The following NCAPD2 variants were observed in gnomAD, a reference collection of about 807,000 sequenced individuals.
NCAPD2 encodes condensin complex subunit 1.
NCAPD2 carries 100 observed loss-of-function variants against 164.5 expected under a neutral mutation model. The ratio of observed to expected loss-of-function variants is 0.61; its 90% confidence interval spans 0.52 to 0.72. NCAPD2 has a LOEUF of 0.72. Ranked by LOEUF, NCAPD2 falls within the 30% of genes least tolerant of loss-of-function variation. The pLI is 0.00. For missense variants in NCAPD2, 1,560 were observed against 1,749.2 expected, an observed-to-expected ratio of 0.89 and a Z score of 1.93; for synonymous variants, 585 against 642.6, an observed-to-expected ratio of 0.91 and a Z score of 1.36.
chr12:6,519,126 G>A (rs1043929397), intron 13 of NCAPD2, among the ~76,000 whole-genome samples: 3 of 151,928 alleles, frequency 2.0e-5, no homozygotes, highest in African/African-American at 7.3e-5. Context: ...TCCTGACCTC[G>A]TGATCCGCCT....
chr12:6,511,752 C>A (rs541807994), intron 6 of NCAPD2, among the ~76,000 whole-genome samples: 15 of 151,772 alleles, frequency 9.9e-5, no homozygotes, highest in Admixed American at 9.8e-4. Flanking sequence ...GAGGCCGAGG[C>A]GAGTGGATCA....
At chr12:6,497,255 C>T (rs980347187) in intron 2 of NCAPD2, among the ~76,000 whole-genome samples, 2 of 151,866 alleles carry the variant, frequency 1.3e-5, no homozygotes, top group African/African-American at 4.8e-5. Flanking sequence ...TGACAAACTA[C>T]TCTTCACTTA....
chr12:6,528,812 A>C lies in NCAPD2; in HGVS notation c.3433A>C (p.Ile1145Leu). ...AVLLIDPEPQIAALAKNFFNE... is the reference protein window; with the variant it reads ...AVLLIDPEPQLAALAKNFFNE... ...GCTGCTCATCGACCCCGAGCCTCAGATTGCTGCCCTGGCCAAGAACTTCTT... is the reference window on the plus strand; with the variant it reads ...GCTGCTCATCGACCCCGAGCCTCAGCTTGCTGCCCTGGCCAAGAACTTCTT... The change falls in exon 26 of 32, where the codon ATT becomes CTT. Residue 1145 changes from isoleucine (I) to leucine (L), a missense_variant. Physicochemically the swap from Ile to Leu is conservative, Grantham distance 5 (BLOSUM62 2). Coordinates refer to ENST00000315579, the MANE Select transcript of NCAPD2 (RefSeq NM_014865.4). The surrounding 1 kb of genome is among the most constrained non-coding windows in gnomAD (Gnocchi z 5.1). 1 of 1,613,990 alleles carries C rather than the reference A, an allele frequency of 6.2e-7. No homozygotes were observed. Among genetic ancestry groups the C allele is most frequent in the Non-Finnish European group, 8.5e-7 (1 of 1,179,916 alleles).
intron 16 of NCAPD2, 33 bp from the exon 17 acceptor site, chr12:6,523,229 T>C (rs1406692970): frequency 1.3e-6 from 2 of 1,598,494 alleles, no homozygotes; most frequent in Admixed American, 3.4e-5. Flanking sequence ...TTCCCAATCT[T>C]ATAGTGACCG....
intron 13 of NCAPD2, among the ~76,000 whole-genome samples, chr12:6,519,867 C>CAA (rs113336454): frequency 1.5e-5 from 2 of 132,656 alleles, no homozygotes; most frequent in Non-Finnish European, 3.3e-5. Flanking sequence ...GAGTCCATCT[C>CAA]AAAAAAAAAA....
At position 6,523,316 on chromosome 12, in the gene NCAPD2, G is replaced by A. The variant is rs372120618; in HGVS notation, c.2184G>A (p.Ser728=). 2.7e-5 allele frequency: 43 copies of A among 1,613,802 alleles called. No homozygotes were observed. Among genetic ancestry groups the A allele is most frequent in the Non-Finnish European group, 3.3e-5 (39 of 1,179,954 alleles). Residue 728 remains serine (S), a synonymous_variant, in exon 17 of 32, where the codon TCG becomes TCA. Transcript: ENST00000315579. ...QNLSLLLVDA[S]VGTIQCLEEI... Reference sequence around the variant, plus strand: ...TCTCTCTGCTGCTAGTGGATGCCTCGGTTGGGACCATTCAGTGTCTTGAGG... The same window carrying A: ...TCTCTCTGCTGCTAGTGGATGCCTCAGTTGGGACCATTCAGTGTCTTGAGG...
At position 6,510,793 on chromosome 12, in the gene NCAPD2, C is replaced by G. The variant is rs1365924439; in HGVS notation, c.427C>G (p.Leu143Val). The G allele has an allele frequency of 1.2e-6, 2 of 1,613,904 alleles. No individual in the cohort carries two copies. The highest frequency in any genetic ancestry group is 1.3e-5 in the African/African-American group (1 of 74,894). The change falls in exon 5 of 32, where the codon CTG becomes GTG. Residue 143 changes from leucine (L) to valine (V), a missense_variant. Transcript: ENST00000315579. Reference sequence around the variant, plus strand: ...GGCCAGCCAGACAAACCTTGTGGACCTGGACCTTGGTGGGAAGGTAATTTG... The same window carrying G: ...GGCCAGCCAGACAAACCTTGTGGACGTGGACCTTGGTGGGAAGGTAATTTG... Reference protein sequence around the residue: ...TMASQTNLVDLDLGGKGKKAR... With the variant: ...TMASQTNLVDVDLGGKGKKAR...
At position 6,528,337 on chromosome 12, in the gene NCAPD2, C is replaced by A. The variant is rs1316156854; in HGVS notation, c.3299+9C>A. The stretch of plus-strand genomic sequence containing the variant: ...CCTCATCTGTATGCTCGGTAAGAGA[C>A]CCCTCACAACGTGGTGGCAGTTCCC... On this transcript the variant is annotated intron_variant, in intron 25 of 31. Transcript: ENST00000315579. This position sits in a 1 kb window ranked among gnomAD's most constrained non-coding sequence, Gnocchi z 5.1. The A allele has an allele frequency of 6.2e-7, 1 of 1,613,344 alleles. No homozygotes were observed. Among genetic ancestry groups the A allele is most frequent in the Admixed American group, 1.7e-5 (1 of 60,018 alleles).
rs535712146 is a variant in NCAPD2, at chr12:6,511,170, A to G, written c.505A>G (p.Ile169Val). ...GFDWEEERQP[I>V]LQLLTQLLQL... ...TGACTGGGAAGAAGAGAGGCAACCA[A>G]TTCTTCAGCTTTTAACACAGCTACT... The change falls in exon 6 of 32, where the codon ATT becomes GTT. Residue 169 changes from isoleucine (I) to valine (V), a missense_variant. By Grantham distance (29) the Ile-to-Val change is conservative (BLOSUM62 3). Transcript: ENST00000315579. 4 of 1,614,180 alleles carry G rather than the reference A, an allele frequency of 2.5e-6. No individual in the cohort carries two copies. Among genetic ancestry groups the G allele is most frequent in the African/African-American group, 1.3e-5 (1 of 75,042 alleles).
rs1041680117 is a variant in NCAPD2, at chr12:6,511,352, G to T, written c.587+100G>T. On this transcript the variant is annotated intron_variant, in intron 6 of 31. Coordinates refer to ENST00000315579, the MANE Select transcript of NCAPD2 (RefSeq NM_014865.4). ...TGGTTTTGTTTTTTTTTTGTGGGGG[G>T]ACAGAGCTTCACTCTTGTCGCCCAG... The T allele has an allele frequency of 3.6e-6, 5 of 1,380,926 alleles. No individual in the cohort carries two copies. In the African/African-American group the frequency reaches 4.4e-5, roughly 12 times the overall value. 85.5% of individuals were successfully genotyped at this position (1,380,926 alleles called of 1,614,324 possible). A position where few individuals can be genotyped will look rare whatever the true frequency, so the allele number is the denominator to read the frequency against.
rs117564499 is a variant in NCAPD2 at position 6,527,733 on chromosome 12, T to C, written c.2908-44T>C. 449 of 1,553,698 alleles carry C rather than the reference T, an allele frequency of 2.9e-4. 5 individuals are homozygous for C. The East Asian group carries it at 8.2e-3, about 28-fold the overall frequency. ...ACAAAGTATGGGCTGGAATCAAAAA[T>C]GTTGTCTCTGCTTATCCATGATCCC... On this transcript the variant is annotated intron_variant, in intron 22 of 31. Transcript: ENST00000315579.
At chr12:6,511,518 C>T (rs1278527551) in intron 6 of NCAPD2, among the ~76,000 whole-genome samples, 4 of 151,940 alleles carry the variant, frequency 2.6e-5, no homozygotes, top group African/African-American at 7.2e-5. Context: ...TTAATAGAGA[C>T]GGGTTTTGCC....
At chr12:6,516,299 T>C (rs190247692) in intron 9 of NCAPD2, among the ~76,000 whole-genome samples, 44 of 147,576 alleles carry the variant, frequency 3.0e-4, no homozygotes, top group African/African-American at 1.0e-3. Flanking sequence ...GTCAGGAGTT[T>C]GAGACCAGCC....
chr12:6,495,392 C>G (rs948888029), intron 2 of NCAPD2, among the ~76,000 whole-genome samples, 167 bp downstream of exon 2: 1 of 152,150 alleles, frequency 6.6e-6, no homozygotes, highest in Non-Finnish European at 1.5e-5. Context: ...GATGCATGAC[C>G]CAAAGAGTAC....
intron 2 of NCAPD2, among the ~76,000 whole-genome samples, chr12:6,495,492 C>T (rs545076082): frequency 6.6e-5 from 10 of 152,272 alleles, no homozygotes; most frequent in African/African-American, 2.2e-4. Flanking sequence ...ATCTTTACCC[C>T]TTACTGTGTG....
At chr12:6,513,658 A>C (rs190785188) in intron 6 of NCAPD2, among the ~76,000 whole-genome samples, 7 of 149,026 alleles carry the variant, frequency 4.7e-5, no homozygotes, top group East Asian at 3.9e-4. Flanking sequence ...AGACCACTTG[A>C]GATGCAGATT....
intron 28 of NCAPD2, 85 bp from the exon 29 acceptor site, chr12:6,529,690 C>T: frequency 6.2e-7 from 1 of 1,600,492 alleles, no homozygotes; most frequent in Non-Finnish European, 8.6e-7. Flanking sequence ...CTGTGGCATC[C>T]CTGGGACTGG....
chr12:6,529,762 T>C lies in NCAPD2; in HGVS notation c.3654-13T>C, dbSNP rs1338800063. ...GATCTCCCAGTTCCTCACAAAGCCCTTCCTATCTGCAGAACTGAGCGGCAG... is the reference window on the plus strand; with the variant it reads ...GATCTCCCAGTTCCTCACAAAGCCCCTCCTATCTGCAGAACTGAGCGGCAG... On this transcript the variant is annotated splice_polypyrimidine_tract_variant and intron_variant, in intron 28 of 31. Transcript: ENST00000315579. The C allele has an allele frequency of 6.2e-7, 1 of 1,608,062 alleles. No individual in the cohort carries two copies. Among genetic ancestry groups the C allele is most frequent in the East Asian group, 2.2e-5 (1 of 44,782 alleles).
intron 2 of NCAPD2, among the ~76,000 whole-genome samples, chr12:6,507,532 C>T (rs898046423): frequency 3.9e-5 from 6 of 152,224 alleles, no homozygotes; most frequent in African/African-American, 1.4e-4. Context: ...GCCCCTGTAC[C>T]CTTTTCCCAT....
Sources: allele counts gnomAD v4.1 joint callset (sites outside exome capture counted in the v4.1 genomes callset), GRCh38; gene constraint gnomAD v4.1.1; non-coding constraint Gnocchi (gnomAD v3.1); transcripts MANE v1.5; gene names NCBI Gene and HGNC (gene_info 2026-07-23, HGNC 2026-07-21).